Variants in STT3A observed in about 807,000 individuals in gnomAD.
STT3A encodes the protein STT3 oligosaccharyltransferase complex catalytic subunit A, also known as dolichyl-diphosphooligosaccharide--protein glycosyltransferase subunit STT3A.
Under a neutral mutation model 89.2 loss-of-function variants are expected in STT3A, and 34 were observed. The observed-to-expected ratio is 0.38, with a 90% CI of 0.29 to 0.51. The LOEUF (loss-of-function observed/expected upper bound fraction) is 0.51. Among genes scored for constraint, STT3A ranks in the 20% least tolerant of loss-of-function variants. The pLI, the probability that STT3A is intolerant of heterozygous loss-of-function variation, is 0.89. For synonymous variants in STT3A, 282 were observed against 310.3 expected (o/e 0.91, Z 0.96); for missense variants, 555 against 889.5 (o/e 0.62, Z 4.78).
chr11:125,595,668 C>T (rs544781092), intron 1 of STT3A, among the ~76,000 whole-genome samples: 1 of 152,276 alleles, frequency 6.6e-6, no homozygotes, highest in East Asian at 1.9e-4. Context: ...CTGACCACTC[C>T]ATTTTAGTCT....
At chr11:125,619,887 C>T in intron 16 of STT3A, 124 bp from the exon 17 acceptor site, 2 of 817,062 alleles carry the variant, frequency 2.4e-6, no homozygotes, top group Non-Finnish European at 2.0e-6. Context: ...GCAGGCTCTA[C>T]TCTCAACAAA....
At chr11:125,603,860 T>C (rs1367509176) in intron 5 of STT3A, among the ~76,000 whole-genome samples, 1 of 152,162 alleles carries the variant, frequency 6.6e-6, no homozygotes, top group Non-Finnish European at 1.5e-5. Context: ...TTGGGGAGAT[T>C]GGTAGCCAAA....
chr11:125,604,957 C>G (rs579410), intron 6 of STT3A, among the ~76,000 whole-genome samples: 4,791 of 152,160 alleles, frequency 0.031, 104 homozygotes, highest in Middle Eastern at 0.044. Flanking sequence ...CAAAAATTAG[C>G]TGGGCATGGT....
Position 125,620,105 on chromosome 11 carries a change from T to C in STT3A, c.2058T>C (p.His686=). 2.5e-6 allele frequency: 4 copies of C among 1,614,038 alleles called. No individual in the cohort carries two copies. The highest frequency in any genetic ancestry group is 3.4e-6 in the Non-Finnish European group (4 of 1,179,974). The change falls in exon 17 of 18, where the codon CAT becomes CAC. Residue 686 remains histidine (H), a synonymous_variant. Transcript: ENST00000392708. The part of the protein sequence containing the change: ...DVLEEAYTTE[H]WLVRIYKVKD... ...TGGAGGAAGCATATACCACAGAACATTGGCTGGTCAGGATATACAAGGTAA... is the reference window on the plus strand; with the variant it reads ...TGGAGGAAGCATATACCACAGAACACTGGCTGGTCAGGATATACAAGGTAA...
At chr11:125,617,582 C>T (rs2135946181) in intron 15 of STT3A, among the ~76,000 whole-genome samples, 1 of 152,292 alleles carries the variant, frequency 6.6e-6, no homozygotes, top group Non-Finnish European at 1.5e-5. Context: ...AAATGATGAA[C>T]CCTAAAAGAG....
At chr11:125,618,915 G>T (rs1339827226) in intron 16 of STT3A, among the ~76,000 whole-genome samples, 3 of 151,962 alleles carry the variant, frequency 2.0e-5, no homozygotes, top group Non-Finnish European at 4.4e-5. Flanking sequence ...AAAACTTTTT[G>T]TAGAGATGAG....
At chr11:125,592,503 C>G (rs1262813633), upstream of STT3A, 1 of 455,528 alleles carries the variant, frequency 2.2e-6, no homozygotes. Context: ...GTTTCCGCTT[C>G]TTGTCACATG....
intron 12 of STT3A, 36 bp downstream of exon 12, chr11:125,612,783 C>CTGTGTGTG (rs368068379): frequency 6.4e-7 from 1 of 1,565,024 alleles, no homozygotes; most frequent in South Asian, 1.1e-5. Flanking sequence ...TTGGGAAACT[C>CTGTGTGTG]TGTGTGTGTG....
In STT3A at chr11:125,614,072, C is replaced by T. The variant is rs1940100222; in HGVS notation, c.1555-15C>T. ...GTGAGAAGCTTGTTATTTCCATTTC[C>T]CATTCTACTTTCAGGATGCGAAGGT... On this transcript the variant is annotated splice_polypyrimidine_tract_variant and intron_variant, in intron 13 of 17. Coordinates refer to ENST00000392708, the MANE Select transcript of STT3A (RefSeq NM_152713.5). The surrounding 1 kb of genome is among the most constrained non-coding windows in gnomAD (Gnocchi z 4.9). 3 of 1,608,422 alleles carry T rather than the reference C, an allele frequency of 1.9e-6. No individual in the cohort carries two copies.
In STT3A at chr11:125,614,046, A is replaced by T. The variant is rs111946354; in HGVS notation, c.1555-41A>T. ...TCTGTTGCATTTGATTTTTAGAGAC[A>T]GTGAGAAGCTTGTTATTTCCATTTC... On this transcript the variant is annotated intron_variant, in intron 13 of 17. Transcript: ENST00000392708. This position sits in a 1 kb window ranked among gnomAD's most constrained non-coding sequence, Gnocchi z 4.9. The T allele has an allele frequency of 6.5e-7, 1 of 1,548,316 alleles. No individual in the cohort carries two copies. Among genetic ancestry groups the T allele is most frequent in the Admixed American group, 1.7e-5 (1 of 58,478 alleles).
chr11:125,601,925 A>G (rs894654205), intron 3 of STT3A, among the ~76,000 whole-genome samples: 1 of 151,812 alleles, frequency 6.6e-6, no homozygotes, highest in Non-Finnish European at 1.5e-5. Context: ...CAGCCTCCTG[A>G]GTAGCTGGGA....
rs758088053 is a variant in STT3A at position 125,612,587 on chromosome 11, G to T, written c.1210-5G>T. 3 of 1,613,210 alleles carry T rather than the reference G, an allele frequency of 1.9e-6. No homozygotes were observed. Among genetic ancestry groups the T allele is most frequent in the Admixed American group, 3.3e-5 (2 of 59,860 alleles). ...TAGACTGATCATGCTTCCTGTCTCT[G>T]TTAGGTGCGTCTAATGCTAGTGTTG... On this transcript the variant is annotated splice_polypyrimidine_tract_variant and splice_region_variant and intron_variant, in intron 11 of 17. Coordinates refer to ENST00000392708, the MANE Select transcript of STT3A (RefSeq NM_152713.5).
chr11:125,611,863 ATTTTTTTTTTT>A (rs59685125), intron 11 of STT3A, among the ~76,000 whole-genome samples: 5,331 of 57,030 alleles, frequency 0.093, 182 homozygotes, highest in Middle Eastern at 0.21. Flanking sequence ...AGGGATTTGA[ATTTTTTTTTTT>A]TTTTTTTTTT....
intron 3 of STT3A, among the ~76,000 whole-genome samples, chr11:125,600,002 A>G (rs1354518082): frequency 6.6e-6 from 1 of 151,350 alleles, no homozygotes. Flanking sequence ...GTGCTGGGAT[A>G]ACAGGCATTA....
At position 125,613,053 on chromosome 11, in the gene STT3A, G is replaced by A; in HGVS notation, c.1430G>A (p.Trp477Ter). ...ATCACCTACACCTTTCATTCAACCT[G>A]GGTGACCAGTGAGGCCTACTCTTCT... is the stretch of plus-strand genomic sequence containing the variant. ...FLITYTFHSTWVTSEAYSSPS... is the reference protein window; with the variant it reads ...FLITYTFHST Residue 477 changes from tryptophan (W) to a stop codon, truncating the protein, a stop_gained, in exon 13 of 18, where the codon TGG (tryptophan) becomes TAG (stop). Transcript: ENST00000392708. LOFTEE classifies it high-confidence loss of function. The surrounding 1 kb of genome is among the most constrained non-coding windows in gnomAD (Gnocchi z 4.2). 1 of 1,614,140 alleles carries A rather than the reference G, an allele frequency of 6.2e-7. No homozygotes were observed.
Position 125,606,282 on chromosome 11 carries a change from T to C in STT3A, c.616-19T>C, listed in dbSNP as rs771880295. The C allele has an allele frequency of 1.7e-5, 27 of 1,609,356 alleles. No individual in the cohort carries two copies. The highest frequency in any genetic ancestry group is 2.2e-5 in the Non-Finnish European group (26 of 1,178,040). ...AGGAGGCATACTCAGAGGAACTGTT[T>C]TTTTCTATTCCATCATAGGTCTCGT... On this transcript the variant is annotated intron_variant, in intron 7 of 17. Coordinates refer to ENST00000392708, the MANE Select transcript of STT3A (RefSeq NM_152713.5).
chr11:125,608,065 A>AT (rs769134482), intron 8 of STT3A, 44 bp from the exon 9 acceptor site: 25 of 1,532,114 alleles, frequency 1.6e-5, no homozygotes, highest in East Asian at 9.2e-5. Context: ...GGACTTACTC[A>AT]TTTTTTTTCC....
rs776392662 is a variant in STT3A at position 125,595,907 on chromosome 11, C to A, written c.-9C>A. 1.9e-6 allele frequency: 3 copies of A among 1,605,090 alleles called. No homozygotes were observed. In the South Asian group the frequency reaches 3.3e-5, roughly 18 times the overall value. ...TGATCGTCGTGTGTTGCCACCCATT[C>A]ATGTCAAGATGACTAAGTTTGGATT... is the stretch of plus-strand genomic sequence containing the variant. On this transcript the variant is annotated 5_prime_UTR_variant, in exon 2 of 18. Coordinates refer to ENST00000392708, the MANE Select transcript of STT3A (RefSeq NM_152713.5).
rs1288123940 is a variant in STT3A, at chr11:125,621,457, G to A, written c.*647G>A. The A allele has an allele frequency of 6.6e-6, 1 of 152,182 alleles. No individual in the cohort carries two copies. Among genetic ancestry groups the A allele is most frequent in the Non-Finnish European group, 1.5e-5 (1 of 68,040 alleles). 9.4% of individuals were successfully genotyped at this position (152,182 alleles called of 1,614,324 possible). On this transcript the variant is annotated 3_prime_UTR_variant, in exon 18 of 18. Transcript: ENST00000392708. ...GTTTTGAAGACTCAAGACAAACAGT[G>A]AAATTATTGGTTTATCAATGGAGAG...
Sources: allele counts gnomAD v4.1 joint callset (sites outside exome capture counted in the v4.1 genomes callset), GRCh38; gene constraint gnomAD v4.1.1; non-coding constraint Gnocchi (gnomAD v3.1); transcripts MANE v1.5; gene names NCBI Gene and HGNC (gene_info 2026-07-23, HGNC 2026-07-21).